TIPARP: variants seen among roughly 807,000 people sequenced by gnomAD.
TIPARP encodes protein mono-ADP-ribosyltransferase TIPARP.
A neutral mutation model predicts 56.5 loss-of-function variants in TIPARP; 12 were observed. That is an observed-to-expected ratio of 0.21 (90% CI 0.14 to 0.34). TIPARP has a LOEUF of 0.34. Ranked by LOEUF, TIPARP falls within the 10% of genes least tolerant of loss-of-function variation. The pLI is 1.00. For missense variants in TIPARP, 604 were observed against 781.6 expected (o/e 0.77, Z 2.71); for synonymous variants, 296 against 265.7 (o/e 1.11, Z -1.11).
intron 4 of TIPARP, among the ~76,000 whole-genome samples, chr3:156,701,390 G>A (rs564431280): frequency 3.9e-4 from 60 of 152,188 alleles, no homozygotes; most frequent in Non-Finnish European, 7.2e-4. Flanking sequence ...ACCTCTAGAG[G>A]AGAGTGTTTG....
At chr3:156,675,407 AAAG>A (rs1325316234) in intron 1 of TIPARP, 1 of 152,258 alleles carries the variant, frequency 6.6e-6, no homozygotes, top group Non-Finnish European at 1.5e-5. Flanking sequence ...CTGAGGGGGT[AAAG>A]AAGAATTAGA....
chr3:156,689,568 T>C (rs773603102), intron 2 of TIPARP, among the ~76,000 whole-genome samples: 4 of 152,242 alleles, frequency 2.6e-5, no homozygotes, highest in Non-Finnish European at 4.4e-5. Context: ...GTCTGGACTT[T>C]GTTGTAAATT....
intron 2 of TIPARP, among the ~76,000 whole-genome samples, chr3:156,688,678 A>G (rs1577037420): frequency 6.6e-6 from 1 of 152,266 alleles, no homozygotes. Flanking sequence ...GATTCTCATC[A>G]CCTTGTAACA....
At chr3:156,701,286 T>C (rs1472266520) in intron 4 of TIPARP, among the ~76,000 whole-genome samples, 1 of 152,258 alleles carries the variant, frequency 6.6e-6, no homozygotes, top group Non-Finnish European at 1.5e-5. Flanking sequence ...TTGCATTTTA[T>C]GGAACGGGTC....
At chr3:156,702,061 TGGTG>T in intron 4 of TIPARP, among the ~76,000 whole-genome samples, 1 of 128,172 alleles carries the variant, frequency 7.8e-6, no homozygotes, top group Non-Finnish European at 1.7e-5. Context: ...GTGGTGGTGG[TGGTG>T]GTGGTGGTTG....
At chr3:156,695,587 A>G (rs911424953) in intron 3 of TIPARP, among the ~76,000 whole-genome samples, 5 of 151,970 alleles carry the variant, frequency 3.3e-5, no homozygotes, top group African/African-American at 1.2e-4. Context: ...AAAACTCTCT[A>G]TGATATTATT....
chr3:156,700,752 A>C (rs1406960486), intron 4 of TIPARP, among the ~76,000 whole-genome samples: 1 of 152,212 alleles, frequency 6.6e-6, no homozygotes, highest in Non-Finnish European at 1.5e-5. Flanking sequence ...AAATGAATTA[A>C]TTTGTATTTC....
intron 5 of TIPARP, 81 bp from the exon 6 acceptor site, chr3:156,704,603 G>A (rs1408967257): frequency 1.4e-6 from 2 of 1,421,074 alleles, no homozygotes; most frequent in Non-Finnish European, 1.9e-6. Flanking sequence ...AAACCATAAA[G>A]AGAAGTTTAT....
At chr3:156,695,202 T>TTTTATTTATTTATTTATTTATTTA (rs58864139) in intron 3 of TIPARP, among the ~76,000 whole-genome samples, 3 of 146,990 alleles carry the variant, frequency 2.0e-5, no homozygotes, top group African/African-American at 7.6e-5. Context: ...CCTTTTCAAA[T>TTTTATTTATTTATTTATTTATTTA]TTTATTTATT....
intron 4 of TIPARP, among the ~76,000 whole-genome samples, chr3:156,698,246 G>A (rs1722766914): frequency 6.6e-6 from 1 of 152,222 alleles, no homozygotes; most frequent in Non-Finnish European, 1.5e-5. Flanking sequence ...AGGTGAAGCA[G>A]GGAGTGTTGA....
chr3:156,679,955 T>C (rs1472865792), intron 2 of TIPARP, among the ~76,000 whole-genome samples: 1 of 152,224 alleles, frequency 6.6e-6, no homozygotes, highest in Admixed American at 6.5e-5. Flanking sequence ...TTTTTTCATT[T>C]ATCTCGTTCC....
chr3:156,701,810 TC>T (rs1042986402), intron 4 of TIPARP, among the ~76,000 whole-genome samples: 4 of 152,078 alleles, frequency 2.6e-5, no homozygotes, highest in Non-Finnish European at 5.9e-5. Flanking sequence ...ACTTTAAATC[TC>T]CCCCTGTACT....
intron 2 of TIPARP, among the ~76,000 whole-genome samples, chr3:156,689,536 G>C (rs1722514128): frequency 6.6e-6 from 1 of 152,148 alleles, no homozygotes; most frequent in Admixed American, 6.5e-5. Flanking sequence ...CACTACAACT[G>C]GAGTGACCTT....
intron 3 of TIPARP, among the ~76,000 whole-genome samples, chr3:156,695,404 A>G (rs1224228347): frequency 6.6e-6 from 1 of 151,700 alleles, no homozygotes; most frequent in East Asian, 1.9e-4. Flanking sequence ...TTTTTTGTGG[A>G]GACAGGATCT....
chr3:156,688,439 A>G (rs1366641177), intron 2 of TIPARP, among the ~76,000 whole-genome samples: 3 of 148,320 alleles, frequency 2.0e-5, no homozygotes, highest in Non-Finnish European at 3.0e-5. Context: ...GTATTAAAAG[A>G]TGTTGCTTTG....
At chr3:156,683,570 A>G (rs1255714905) in intron 2 of TIPARP, among the ~76,000 whole-genome samples, 1 of 149,240 alleles carries the variant, frequency 6.7e-6, no homozygotes, top group Non-Finnish European at 1.5e-5. Flanking sequence ...TGGGCATGCA[A>G]AAAAAAAAAT....
intron 4 of TIPARP, among the ~76,000 whole-genome samples, chr3:156,699,863 G>A (rs917261314): frequency 3.3e-5 from 5 of 152,134 alleles, no homozygotes; most frequent in Non-Finnish European, 5.9e-5. Flanking sequence ...AGTGAGAAAA[G>A]AGCAGAGAAA....
chr3:156,701,029 C>A (rs921795395), intron 4 of TIPARP, among the ~76,000 whole-genome samples: 1 of 152,104 alleles, frequency 6.6e-6, no homozygotes, highest in African/African-American at 2.4e-5. Flanking sequence ...TTTTTTTAAC[C>A]CATGGCTATT....
intron 4 of TIPARP, among the ~76,000 whole-genome samples, chr3:156,699,732 A>T (rs1337077533): frequency 6.6e-6 from 1 of 152,238 alleles, no homozygotes; most frequent in African/African-American, 2.4e-5. Flanking sequence ...ACAAGAGAAC[A>T]AAAATAGTTA....
Sources: gnomAD v4.1 joint callset for allele counts (sites outside exome capture counted in the v4.1 genomes callset) on GRCh38, gnomAD v4.1.1 for gene constraint, MANE v1.5 for transcripts, NCBI Gene and HGNC (gene_info 2026-07-23, HGNC 2026-07-21) for gene names.